The following POU2F2 variants were observed in gnomAD, a reference collection of about 807,000 sequenced individuals.
The protein encoded by POU2F2 is POU domain, class 2, transcription factor 2.
In POU2F2, 14 loss-of-function variants were observed where a neutral mutation model predicts 63.5. The ratio of observed to expected loss-of-function variants is 0.22; its 90% CI spans 0.15 to 0.34. The LOEUF is 0.34. Among genes scored for constraint, POU2F2 ranks in the 10% least tolerant of loss-of-function variants. The pLI is 1.00. For synonymous variants in POU2F2, 306 were observed against 348.6 expected, an observed-to-expected ratio of 0.88 and a Z score of 1.36; for missense variants, 607 against 815.2, an observed-to-expected ratio of 0.74 and a Z score of 3.11.
chr19:42,148,590 G>A (rs1043272846), intron 2 of POU2F2, among the ~76,000 whole-genome samples: 1 of 152,034 alleles, frequency 6.6e-6, no homozygotes, highest in African/African-American at 2.4e-5. Context: ...AGAGAGGCTT[G>A]GAAAGGACAC....
chr19:42,117,422 A>G lies in POU2F2; in HGVS notation c.197T>C (p.Leu66Pro). ...CCAGAATGTTAAGTGGAGGCCAGAG[A>G]GAATGCCCACCTGTGAACCAAAGAG... Reference protein sequence around the residue: ...PTGPSTKVGILSGLHLTFWGP... With the variant: ...PTGPSTKVGIPSGLHLTFWGP... Residue 66 changes from leucine (L) to proline (P), a missense_variant, in exon 5 of 15, where the codon CTC (leucine) becomes CCC (proline). This residue lies in a region of POU2F2 where 224 missense variants were observed against 264.3 expected (regional missense o/e 0.85). Coordinates refer to ENST00000692977, the MANE Select transcript of POU2F2 (RefSeq NM_001394376.1). The surrounding 1 kb of genome is among the most constrained non-coding windows in gnomAD (Gnocchi z 4.4). 1.6e-6 allele frequency: 2 copies of G among 1,272,658 alleles called. No homozygotes were observed. Among genetic ancestry groups the G allele is most frequent in the East Asian group, 5.1e-5 (2 of 39,570 alleles). 78.8% of individuals were successfully genotyped at this position (1,272,658 alleles called of 1,614,324 possible).
chr19:42,165,768 C>T (rs1001662715), intron 1 of POU2F2, among the ~76,000 whole-genome samples: 14 of 152,032 alleles, frequency 9.2e-5, no homozygotes, highest in African/African-American at 3.4e-4. Flanking sequence ...TAGCAAAAGG[C>T]CTTACACACA....
intron 2 of POU2F2, among the ~76,000 whole-genome samples, chr19:42,143,323 C>T (rs1336099251): frequency 6.6e-6 from 1 of 152,084 alleles, no homozygotes; most frequent in Non-Finnish European, 1.5e-5. Context: ...CTGCACTCCA[C>T]CCTGGGCAAA....
intron 2 of POU2F2, among the ~76,000 whole-genome samples, chr19:42,151,652 C>T (rs983575432): frequency 1.7e-4 from 26 of 152,332 alleles, no homozygotes; most frequent in African/African-American, 5.5e-4. Context: ...AGAGGGGAGA[C>T]GGCCCAGGCC....
At chr19:42,106,833 G>A (rs2030145519) in intron 5 of POU2F2, among the ~76,000 whole-genome samples, 1 of 151,286 alleles carries the variant, frequency 6.6e-6, no homozygotes, top group Non-Finnish European at 1.5e-5. Flanking sequence ...GGAGGAGGAG[G>A]AGGAGCAGGA....
intron 1 of POU2F2, among the ~76,000 whole-genome samples, chr19:42,193,909 A>G (rs2035100423): frequency 6.6e-6 from 1 of 152,240 alleles, no homozygotes; most frequent in African/African-American, 2.4e-5. Context: ...TATTCATACA[A>G]TGGAGTACCA....
rs916207606 is a variant in POU2F2, at chr19:42,088,767, C to T, written c.*2490G>A. 3.9e-5 allele frequency: 6 copies of T among 152,468 alleles called. No homozygotes were observed. Among genetic ancestry groups the T allele is most frequent in the African/African-American group, 1.5e-4 (6 of 41,370 alleles). The allele number at this position is 152,468 out of a possible 1,614,324, so 9.4% of individuals were successfully genotyped here. The stretch of plus-strand genomic sequence containing the variant: ...CAGAGGTAGGGTAAGGGCAGGGAGT[C>T]GTTCAGCGGAGATGCTTACATTCCG... On this transcript the variant is annotated 3_prime_UTR_variant, in exon 15 of 15. Transcript: ENST00000692977.
chr19:42,123,342 C>T (rs1341900686), intron 1 of POU2F2: 2 of 152,276 alleles, frequency 1.3e-5, no homozygotes, highest in Non-Finnish European at 2.9e-5. Context: ...CTATAGCTCC[C>T]TAGGCCCAGG....
intron 1 of POU2F2, among the ~76,000 whole-genome samples, chr19:42,188,903 G>GGA (rs2035044667): frequency 1.7e-5 from 2 of 114,554 alleles, no homozygotes; most frequent in Admixed American, 9.4e-5. Context: ...AGGAAGAGAA[G>GGA]AGAGGAAGGA....
At chr19:42,101,185 C>T (rs972302297) in intron 5 of POU2F2, among the ~76,000 whole-genome samples, 3 of 152,096 alleles carry the variant, frequency 2.0e-5, no homozygotes, top group Non-Finnish European at 4.4e-5. Flanking sequence ...TTAAAATACT[C>T]CAGCAAATAG....
At chr19:42,151,406 G>C (rs1274438273) in intron 2 of POU2F2, among the ~76,000 whole-genome samples, 1 of 152,092 alleles carries the variant, frequency 6.6e-6, no homozygotes, top group African/African-American at 2.4e-5. Flanking sequence ...GCTGGGAGGA[G>C]AGGAGGATCT....
intron 5 of POU2F2, chr19:42,116,852 AG>A: frequency 2.4e-6 from 1 of 417,784 alleles, no homozygotes; most frequent in Admixed American, 2.8e-5. Flanking sequence ...GAGGAGGAGG[AG>A]GAGGAAGTAG....
chr19:42,118,396 C>T (rs142218312), intron 4 of POU2F2, among the ~76,000 whole-genome samples: 473 of 152,232 alleles, frequency 3.1e-3, no homozygotes, highest in Admixed American at 9.0e-3. Context: ...GGAGAGAGCG[C>T]CTGCCTAAGT....
chr19:42,194,356 TG>T (rs2035105971), intron 1 of POU2F2, among the ~76,000 whole-genome samples: 1 of 151,962 alleles, frequency 6.6e-6, no homozygotes, highest in South Asian at 2.1e-4. Context: ...CACTCCATTC[TG>T]GGTAACAGAG....
At chr19:42,127,656 C>T (rs1180506356) in intron 1 of POU2F2, among the ~76,000 whole-genome samples, 2 of 152,150 alleles carry the variant, frequency 1.3e-5, no homozygotes, top group Non-Finnish European at 2.9e-5. Context: ...GCTGGGATTA[C>T]AGGCGTGAGC....
intron 5 of POU2F2, among the ~76,000 whole-genome samples, chr19:42,114,722 A>ACC (rs1600086568): frequency 6.6e-6 from 1 of 152,098 alleles, no homozygotes; most frequent in African/African-American, 2.4e-5. Context: ...AGGTCACTTT[A>ACC]CCCCTTGGAG....
intron 1 of POU2F2, among the ~76,000 whole-genome samples, chr19:42,193,051 T>C (rs2035091010): frequency 6.6e-6 from 1 of 150,464 alleles, no homozygotes; most frequent in Admixed American, 6.6e-5. Context: ...AAATCCCGTC[T>C]CTACTAAAAA....
At chr19:42,099,211 AT>A (rs1205606050) in intron 7 of POU2F2, 7 of 299,858 alleles carry the variant, frequency 2.3e-5, no homozygotes, top group African/African-American at 1.5e-4. Context: ...GCCCCTTGCA[AT>A]TTTGTGTGTT....
At chr19:42,167,640 G>C (rs1348845368) in intron 1 of POU2F2, among the ~76,000 whole-genome samples, 1 of 152,204 alleles carries the variant, frequency 6.6e-6, no homozygotes, top group Non-Finnish European at 1.5e-5. Context: ...AGGAGGGAGG[G>C]AGTAAAAGTT....
Sources: allele counts gnomAD v4.1 joint callset (sites outside exome capture counted in the v4.1 genomes callset), GRCh38; gene constraint gnomAD v4.1.1; regional missense constraint gnomAD v4.1.1; non-coding constraint Gnocchi (gnomAD v3.1); transcripts MANE v1.5; gene names NCBI Gene and HGNC (gene_info 2026-07-23, HGNC 2026-07-21).